The following UNC13C variants were observed in gnomAD, a reference collection of about 807,000 sequenced individuals.
UNC13C encodes unc-13 homolog C, also known as protein unc-13 homolog C.
A neutral mutation model predicts 245.4 loss-of-function variants in UNC13C; 174 were observed. The observed-to-expected ratio is 0.71, with a 90% CI of 0.63 to 0.80. UNC13C has a LOEUF of 0.80. Ranked by LOEUF, UNC13C falls within the 30% of genes least tolerant of loss-of-function variation. The probability of loss-of-function intolerance (pLI) is 0.00; values close to 1 mark genes in which losing one functional copy is unlikely to be tolerated. For missense variants in UNC13C, 2,829 were observed against 2,602.9 expected, an observed-to-expected ratio of 1.09 and a Z score of -1.89; for synonymous variants, 992 against 895.1, an observed-to-expected ratio of 1.11 and a Z score of -1.93.
chr15:54,494,751 A>G lies in UNC13C; in HGVS notation c.5060+17A>G. On this transcript the variant is annotated intron_variant, in intron 20 of 32. Coordinates refer to ENST00000260323, the MANE Select transcript of UNC13C (RefSeq NM_001080534.3). ...ATACTCCTTGTAAGTAGTGATTTTA[A>G]CACACACACCCTCAGATCTAAATTC... 1 of 1,605,570 alleles carries G rather than the reference A, an allele frequency of 6.2e-7. No homozygotes were observed. The highest frequency in any genetic ancestry group is 8.5e-7 in the Non-Finnish European group (1 of 1,176,444).
chr15:53,974,932 T>C (rs1463107176), upstream of UNC13C: 1 of 152,222 alleles, frequency 6.6e-6, no homozygotes, highest in African/African-American at 2.4e-5. Context: ...AATGGCTCAT[T>C]CGCATGCCTG....
the UNC13C span, among the ~76,000 whole-genome samples, chr15:53,927,919 G>A: frequency 1.2e-4 from 19 of 152,260 alleles, no homozygotes; most frequent in East Asian, 1.2e-3. Flanking sequence ...GATAGAATGC[G>A]CAAAATTATA....
intron 17 of UNC13C, among the ~76,000 whole-genome samples, chr15:54,345,460 TC>T (rs907796029): frequency 6.6e-6 from 1 of 152,120 alleles, no homozygotes; most frequent in African/African-American, 2.4e-5. Flanking sequence ...CCACTTCTAG[TC>T]CCAACCCATA....
intron 19 of UNC13C, among the ~76,000 whole-genome samples, chr15:54,450,764 C>T (rs1375096966): frequency 6.6e-6 from 1 of 152,186 alleles, no homozygotes; most frequent in African/African-American, 2.4e-5. Flanking sequence ...GCTCGGTGCA[C>T]TGCGCCCACT....
chr15:54,509,113 T>G (rs573167804), intron 23 of UNC13C, among the ~76,000 whole-genome samples: 178 of 152,178 alleles, frequency 1.2e-3, no homozygotes, highest in Non-Finnish European at 2.2e-3. Flanking sequence ...GCAGGAGAAT[T>G]GCTTGAACCC....
chr15:54,151,412 C>CT (rs1390370066), intron 4 of UNC13C, among the ~76,000 whole-genome samples: 2 of 151,922 alleles, frequency 1.3e-5, no homozygotes, highest in East Asian at 1.9e-4. Flanking sequence ...TCTTTTATTC[C>CT]TTTTTTTTCT....
chr15:53,844,467 C>T, the UNC13C span, among the ~76,000 whole-genome samples: 1 of 152,022 alleles, frequency 6.6e-6, no homozygotes, highest in African/African-American at 2.4e-5. Context: ...TACTGAAGGA[C>T]ACTGAGGCAG....
the UNC13C span, among the ~76,000 whole-genome samples, chr15:53,898,421 C>T: frequency 1.3e-5 from 2 of 152,130 alleles, no homozygotes; most frequent in Non-Finnish European, 2.9e-5. Context: ...TACACACACA[C>T]ACACACACAA....
At chr15:53,965,873 A>G in the UNC13C span, among the ~76,000 whole-genome samples, 573 of 152,272 alleles carry the variant, frequency 3.8e-3, 2 homozygotes, top group Non-Finnish European at 6.7e-3. Flanking sequence ...AATTTCATCC[A>G]TGTCCCTACA....
chr15:54,061,770 T>C (rs1394781309), intron 2 of UNC13C, among the ~76,000 whole-genome samples: 1 of 152,116 alleles, frequency 6.6e-6, no homozygotes, highest in Non-Finnish European at 1.5e-5. Flanking sequence ...ATAATGGCTC[T>C]AGAATGCCTT....
chr15:54,426,010 A>G (rs1241310326), intron 19 of UNC13C, among the ~76,000 whole-genome samples: 1 of 151,334 alleles, frequency 6.6e-6, no homozygotes, highest in Non-Finnish European at 1.5e-5. Flanking sequence ...ATATCCAGGT[A>G]TTTTTCTCAT....
At chr15:53,993,574 G>T (rs753168954) in intron 1 of UNC13C, among the ~76,000 whole-genome samples, 23 of 152,082 alleles carry the variant, frequency 1.5e-4, no homozygotes, top group Non-Finnish European at 1.9e-4. Context: ...AAAGATTATG[G>T]TTGGCATTAC....
At chr15:54,513,840 T>C (rs1231714021) in intron 24 of UNC13C, among the ~76,000 whole-genome samples, 1 of 152,202 alleles carries the variant, frequency 6.6e-6, no homozygotes, top group Non-Finnish European at 1.5e-5. Flanking sequence ...CTTTACCCTT[T>C]TCTGTGATTT....
chr15:54,029,228 C>G (rs1896252135), intron 2 of UNC13C, among the ~76,000 whole-genome samples: 1 of 152,178 alleles, frequency 6.6e-6, no homozygotes, highest in African/African-American at 2.4e-5. Flanking sequence ...AAAAAATGTG[C>G]CTCTGCCTGT....
At chr15:54,409,035 G>T (rs956179176) in intron 18 of UNC13C, among the ~76,000 whole-genome samples, 9 of 152,090 alleles carry the variant, frequency 5.9e-5, no homozygotes, top group African/African-American at 2.2e-4. Context: ...GTATAGAAAA[G>T]AACTGAAGTC....
At chr15:54,117,175 A>T (rs910146547) in intron 2 of UNC13C, among the ~76,000 whole-genome samples, 4 of 152,024 alleles carry the variant, frequency 2.6e-5, no homozygotes, top group Non-Finnish European at 5.9e-5. Flanking sequence ...CTGATTATTA[A>T]TTCCTGGTCA....
intron 19 of UNC13C, among the ~76,000 whole-genome samples, chr15:54,455,205 C>CTCTCTCTCTCTCTA (rs1388065398): frequency 4.2e-4 from 8 of 18,956 alleles, no homozygotes; most frequent in Non-Finnish European, 4.6e-4. Flanking sequence ...CTCTCTCTCT[C>CTCTCTCTCTCTCTA]TATATATATA....
chr15:53,938,576 A>C, the UNC13C span, among the ~76,000 whole-genome samples: 6 of 152,170 alleles, frequency 3.9e-5, no homozygotes, highest in African/African-American at 1.4e-4. Flanking sequence ...TGGCCAAATG[A>C]TACTTACTCC....
chr15:54,091,183 C>T (rs943669188), intron 2 of UNC13C, among the ~76,000 whole-genome samples: 2 of 152,122 alleles, frequency 1.3e-5, no homozygotes, highest in African/African-American at 4.8e-5. Context: ...TGCCTCTGAC[C>T]TTTTCAGTTT....
Sources: gnomAD v4.1 joint callset for allele counts (sites outside exome capture counted in the v4.1 genomes callset) on GRCh38, gnomAD v4.1.1 for gene constraint, MANE v1.5 for transcripts, NCBI Gene and HGNC (gene_info 2026-07-23, HGNC 2026-07-21) for gene names.